MYO1H: variants seen among roughly 807,000 people sequenced by gnomAD.
MYO1H encodes the protein myosin IH.
Under a neutral mutation model 149.3 loss-of-function variants are expected in MYO1H, and 118 were observed. That is an observed-to-expected ratio of 0.79 (90% confidence interval 0.68 to 0.92). MYO1H has a LOEUF of 0.92. MYO1H is among the 40% of genes least tolerant of loss of function. The pLI, the probability that MYO1H is intolerant of heterozygous loss-of-function variation, is 0.00. For missense variants in MYO1H, 1,212 were observed against 1,280.7 expected, an observed-to-expected ratio of 0.95 and a Z score of 0.82; for synonymous variants, 447 against 465.2, an observed-to-expected ratio of 0.96 and a Z score of 0.50.
Position 109,371,425 on chromosome 12 carries a change from C to T in MYO1H, c.13-17258C>T, listed in dbSNP as rs1461619842. On this transcript the variant is annotated intron_variant, in intron 1 of 31. Coordinates refer to ENST00000310903, the Ensembl canonical transcript of MYO1H. ...TAGAGATGGGGTTTGGCCATGTTGC[C>T]CAGGCTGGTCTCAAACTCCTGAGCT... 3.9e-5 allele frequency among the ~76,000 whole-genome samples: 6 copies of T among 151,924 alleles called. No homozygotes were observed. In the East Asian group the frequency reaches 9.6e-4, roughly 24 times the overall value.
chr12:109,384,987 T>C (rs544280808), intron 1 of MYO1H, among the ~76,000 whole-genome samples: 6 of 152,334 alleles, frequency 3.9e-5, no homozygotes, highest in South Asian at 2.1e-4. Flanking sequence ...ATCGTGATTA[T>C]TGATACTAAT....
At position 109,393,539 on chromosome 12, in the gene MYO1H, T is replaced by TCATCCATCCATC. The variant is rs71079557; in HGVS notation, c.290+119_290+130dup. ...TCTCACCACGCATCTGTCCATCCAT[T>TCATCCATCCATC]CATCCATCCATCCATCCATCCATCC... On this transcript the variant is annotated intron_variant, in intron 3 of 31. Coordinates refer to ENST00000310903, the Ensembl canonical transcript of MYO1H. The TCATCCATCCATC allele has an allele frequency of 1.6e-5, 11 of 680,978 alleles. No homozygotes were observed. In the African/African-American group the frequency reaches 1.7e-4, roughly 11 times the overall value. 42.2% of individuals were successfully genotyped at this position (680,978 alleles called of 1,614,324 possible).
chr12:109,324,896 G>T, the MYO1H span, among the ~76,000 whole-genome samples: 1 of 151,908 alleles, frequency 6.6e-6, no homozygotes, highest in Non-Finnish European at 1.5e-5. Context: ...AACAGGCCCT[G>T]GTGTATGATG....
At chr12:109,375,982 C>T (rs1869080039) in intron 1 of MYO1H, among the ~76,000 whole-genome samples, 1 of 152,154 alleles carries the variant, frequency 6.6e-6, no homozygotes, top group Admixed American at 6.5e-5. Flanking sequence ...CTGTCTCAAT[C>T]AGTCAATCAA....
At chr12:109,330,080 A>G in the MYO1H span, among the ~76,000 whole-genome samples, 1 of 152,208 alleles carries the variant, frequency 6.6e-6, no homozygotes, top group Non-Finnish European at 1.5e-5. Context: ...ATCTCAATCA[A>G]ATCGGGAGTC....
At chr12:109,409,690 A>G in intron 11 of MYO1H, 66 bp downstream of exon 11, 2 of 1,289,858 alleles carry the variant, frequency 1.6e-6, no homozygotes, top group African/African-American at 2.9e-5. Flanking sequence ...CGAGATTTAA[A>G]TCTTTCGCTA....
At chr12:109,434,978 C>T in intron 20 of MYO1H, 59 bp from the exon 21 acceptor site, 1 of 1,070,374 alleles carries the variant, frequency 9.3e-7, no homozygotes, top group Non-Finnish European at 1.4e-6. Context: ...GGGCACCGTT[C>T]AACCCACTAG....
At chr12:109,437,492 A>T (rs148436049) in intron 22 of MYO1H, among the ~76,000 whole-genome samples, 1 of 152,280 alleles carries the variant, frequency 6.6e-6, no homozygotes, top group African/African-American at 2.4e-5. Flanking sequence ...TCAGCATTAT[A>T]GGAAGTATTT....
chr12:109,335,617 A>G, the MYO1H span, among the ~76,000 whole-genome samples: 1 of 152,146 alleles, frequency 6.6e-6, no homozygotes, highest in Admixed American at 6.5e-5. Flanking sequence ...TCAAAAATGC[A>G]TTGACCTGTG....
chr12:109,360,202 A>G (rs556241464), intron 1 of MYO1H, among the ~76,000 whole-genome samples: 1 of 152,046 alleles, frequency 6.6e-6, no homozygotes, highest in Non-Finnish European at 1.5e-5. Flanking sequence ...GAACTTATTC[A>G]GAGTTTCCCA....
chr12:109,360,898 G>A (rs766481620), intron 1 of MYO1H, among the ~76,000 whole-genome samples: 4 of 152,270 alleles, frequency 2.6e-5, no homozygotes, highest in Non-Finnish European at 4.4e-5. Context: ...AAGGTATAAC[G>A]GAGTAGTGAT....
chr12:109,416,379 G>GTTTTTTTT (rs397968119), intron 15 of MYO1H, among the ~76,000 whole-genome samples: 26 of 143,138 alleles, frequency 1.8e-4, no homozygotes, highest in African/African-American at 6.0e-4. Context: ...GTTGTTGTTG[G>GTTTTTTTT]TTTTTTTTTT....
At chr12:109,434,140 G>A (rs1871758150) in intron 20 of MYO1H, among the ~76,000 whole-genome samples, 1 of 152,120 alleles carries the variant, frequency 6.6e-6, no homozygotes, top group South Asian at 2.1e-4. Context: ...CTCTCGAGTA[G>A]CTGGGATTAC....
chr12:109,392,774 C>T (rs1415832142), intron 2 of MYO1H, among the ~76,000 whole-genome samples: 2 of 151,640 alleles, frequency 1.3e-5, no homozygotes, highest in Admixed American at 1.3e-4. Context: ...ATTGTTTGTA[C>T]CCTCGTTATG....
intron 1 of MYO1H, among the ~76,000 whole-genome samples, chr12:109,381,326 T>C (rs759606018): frequency 1.2e-4 from 18 of 152,008 alleles, no homozygotes; most frequent in Non-Finnish European, 1.5e-5. Flanking sequence ...GGAGAGAAGA[T>C]GGCTTGAGCT....
chr12:109,435,991 G>A (rs1871841634), intron 21 of MYO1H, among the ~76,000 whole-genome samples: 1 of 152,180 alleles, frequency 6.6e-6, no homozygotes, highest in South Asian at 2.1e-4. Flanking sequence ...GATGAGCTTG[G>A]CCTCTGATAG....
chr12:109,432,244 T>C (rs12832682), intron 19 of MYO1H, among the ~76,000 whole-genome samples: 49,906 of 151,738 alleles, frequency 0.33, 8,356 homozygotes, highest in Admixed American at 0.4. Context: ...GACCTTGTGA[T>C]CCGCCCGCCT....
chr12:109,370,302 G>A (rs182235091), intron 1 of MYO1H, among the ~76,000 whole-genome samples: 92 of 152,310 alleles, frequency 6.0e-4, no homozygotes, highest in Admixed American at 3.5e-3. Flanking sequence ...ACTGAGCAGG[G>A]GAAGGATTGT....
chr12:109,397,745 C>A, exon 5 of MYO1H: 1 of 1,611,250 alleles, frequency 6.2e-7, no homozygotes, highest in Admixed American at 1.7e-5. Flanking sequence ...TTTGGAAATG[C>A]CAGAACGCTC....
Sources: gnomAD v4.1 joint callset for allele counts (sites outside exome capture counted in the v4.1 genomes callset) on GRCh38, gnomAD v4.1.1 for gene constraint, MANE v1.5 for transcripts, NCBI Gene and HGNC (gene_info 2026-07-23, HGNC 2026-07-21) for gene names.